The following CEP112 variants were observed in gnomAD, a reference collection of about 807,000 sequenced individuals.
CEP112 encodes centrosomal protein of 112 kDa.
In CEP112, 127 loss-of-function variants were observed where a neutral mutation model predicts 153.0. That is an observed-to-expected ratio of 0.83 (90% confidence interval 0.72 to 0.96). The LOEUF (loss-of-function observed/expected upper bound fraction) is 0.96. Among genes scored for constraint, CEP112 ranks in the 40% least tolerant of loss-of-function variants. The pLI is 0.00. For synonymous variants in CEP112, 358 were observed against 374.4 expected (o/e 0.96, Z 0.51); for missense variants, 1,089 against 1,101.2 (o/e 0.99, Z 0.16).
At chr17:66,101,817 AC>A (rs1275924756) in intron 6 of CEP112, among the ~76,000 whole-genome samples, 3 of 152,114 alleles carry the variant, frequency 2.0e-5, no homozygotes, top group African/African-American at 7.2e-5. Flanking sequence ...AGAAAAAAAA[AC>A]AATCATGCTG....
intron 3 of CEP112, 29 bp from the exon 4 acceptor site, chr17:66,175,245 C>G (rs765551919): frequency 6.7e-7 from 1 of 1,486,702 alleles, no homozygotes; most frequent in South Asian, 1.4e-5. Flanking sequence ...AAAAATTATT[C>G]TTTCAAAATG....
At chr17:66,156,063 C>T (rs192407731) in intron 4 of CEP112, among the ~76,000 whole-genome samples, 1 of 152,274 alleles carries the variant, frequency 6.6e-6, no homozygotes, top group East Asian at 1.9e-4. Context: ...TCAAGTGGGT[C>T]CCTGACTCCC....
intron 21 of CEP112, among the ~76,000 whole-genome samples, chr17:65,844,751 C>G (rs2057660783): frequency 6.6e-6 from 1 of 151,332 alleles, no homozygotes; most frequent in African/African-American, 2.4e-5. Context: ...CGTGGTGGCT[C>G]ACGCCTGTAA....
intron 17 of CEP112, among the ~76,000 whole-genome samples, chr17:65,969,779 G>A (rs1209596282): frequency 2.0e-5 from 3 of 152,156 alleles, no homozygotes; most frequent in South Asian, 2.1e-4. Flanking sequence ...TCACATAGAT[G>A]CATATTACAT....
chr17:66,164,386 C>T (rs764634238), intron 4 of CEP112, among the ~76,000 whole-genome samples: 5 of 151,358 alleles, frequency 3.3e-5, no homozygotes, highest in Non-Finnish European at 7.4e-5. Context: ...AGCAAGACCC[C>T]GTCTCTACCA....
intron 4 of CEP112, among the ~76,000 whole-genome samples, chr17:66,160,471 C>G (rs1465851068): frequency 2.6e-5 from 4 of 152,170 alleles, no homozygotes; most frequent in African/African-American, 9.7e-5. Flanking sequence ...ACCAAAACAG[C>G]ATGGTACTGG....
chr17:66,119,485 T>C (rs2069468272), intron 6 of CEP112, among the ~76,000 whole-genome samples: 1 of 152,200 alleles, frequency 6.6e-6, no homozygotes, highest in Non-Finnish European at 1.5e-5. Context: ...AAAAACAGCC[T>C]TTTTAGTCTG....
intron 19 of CEP112, among the ~76,000 whole-genome samples, chr17:65,910,055 G>C (rs999325313): frequency 6.6e-6 from 1 of 152,082 alleles, no homozygotes; most frequent in African/African-American, 2.4e-5. Context: ...TAGAATATAG[G>C]AAGGAGTTAG....
intron 4 of CEP112, among the ~76,000 whole-genome samples, chr17:66,150,479 C>G (rs1252143260): frequency 6.6e-6 from 1 of 152,200 alleles, no homozygotes; most frequent in African/African-American, 2.4e-5. Flanking sequence ...GATCTGCCTG[C>G]CTCATCCTCC....
intron 18 of CEP112, among the ~76,000 whole-genome samples, chr17:65,956,929 C>T (rs2062022844): frequency 6.6e-6 from 1 of 152,074 alleles, no homozygotes; most frequent in Non-Finnish European, 1.5e-5. Flanking sequence ...ACCCTATATG[C>T]ACTATGGTTT....
chr17:66,048,796 A>C (rs1424296196), intron 12 of CEP112, among the ~76,000 whole-genome samples: 1 of 152,048 alleles, frequency 6.6e-6, no homozygotes, highest in Non-Finnish European at 1.5e-5. Flanking sequence ...TTTAGTATAG[A>C]TGGGGTTTCT....
chr17:66,081,449 C>T (rs1233606636), intron 8 of CEP112, among the ~76,000 whole-genome samples: 1 of 152,106 alleles, frequency 6.6e-6, no homozygotes, highest in Non-Finnish European at 1.5e-5. Flanking sequence ...TTTACAATGG[C>T]ATTTCTTTGT....
chr17:65,655,179 A>G (rs113436940), intron 24 of CEP112: 7 of 762,400 alleles, frequency 9.2e-6, no homozygotes, highest in Non-Finnish European at 2.4e-6. Flanking sequence ...GAAATCTAAT[A>G]TTGACAAGTG....
chr17:65,914,190 T>C (rs1038803615), intron 19 of CEP112, among the ~76,000 whole-genome samples: 2 of 151,650 alleles, frequency 1.3e-5, no homozygotes, highest in African/African-American at 2.4e-5. Context: ...CTTAACTGCA[T>C]ATTTTAATTC....
chr17:66,189,828 C>T (rs1338668614), intron 1 of CEP112, among the ~76,000 whole-genome samples: 1 of 152,082 alleles, frequency 6.6e-6, no homozygotes, highest in Non-Finnish European at 1.5e-5. Flanking sequence ...CCCAGGAGTT[C>T]AAGACCAGCC....
intron 21 of CEP112, among the ~76,000 whole-genome samples, chr17:65,756,525 A>G (rs2052293057): frequency 6.6e-6 from 1 of 152,116 alleles, no homozygotes; most frequent in Non-Finnish European, 1.5e-5. Context: ...AGGCCATAGA[A>G]AGTGAGGCCT....
At chr17:65,843,530 TA>T (rs2057604840) in intron 21 of CEP112, among the ~76,000 whole-genome samples, 1 of 152,228 alleles carries the variant, frequency 6.6e-6, no homozygotes, top group Non-Finnish European at 1.5e-5. Context: ...AATGTCTTCA[TA>T]AGTTAATATT....
At chr17:66,035,010 T>A (rs9894584) in intron 12 of CEP112, among the ~76,000 whole-genome samples, 4,959 of 69,036 alleles carry the variant, frequency 0.072, 373 homozygotes, top group African/African-American at 0.21. Flanking sequence ...ATATATATAT[T>A]TTTTTTTTTA....
At chr17:66,078,110 A>G (rs1173039615) in intron 8 of CEP112, among the ~76,000 whole-genome samples, 2 of 152,028 alleles carry the variant, frequency 1.3e-5, no homozygotes, top group Non-Finnish European at 2.9e-5. Context: ...TCACAGCACC[A>G]TTTGTTGAAA....
Sources: allele counts gnomAD v4.1 joint callset (sites outside exome capture counted in the v4.1 genomes callset), GRCh38; gene constraint gnomAD v4.1.1; transcripts MANE v1.5; gene names NCBI Gene and HGNC (gene_info 2026-07-23, HGNC 2026-07-21).